CCDC73: variants seen among roughly 807,000 people sequenced by gnomAD.
CCDC73 encodes the protein coiled-coil domain containing 73, also known as coiled-coil domain-containing protein 73.
Under a neutral mutation model 116.5 loss-of-function variants are expected in CCDC73, and 95 were observed. That is an observed-to-expected ratio of 0.82 (90% CI 0.69 to 0.97). CCDC73 has a LOEUF of 0.97. Among genes scored for constraint, CCDC73 ranks in the 50% least tolerant of loss-of-function variants. CCDC73 has a pLI of 0.00. For missense variants in CCDC73, 1,066 were observed against 1,206.8 expected, an observed-to-expected ratio of 0.88 and a Z score of 1.73; for synonymous variants, 398 against 401.3, an observed-to-expected ratio of 0.99 and a Z score of 0.10.
At chr11:32,813,407 T>C in the CCDC73 span, among the ~76,000 whole-genome samples, 1 of 152,044 alleles carries the variant, frequency 6.6e-6, no homozygotes, top group South Asian at 2.1e-4. Context: ...CAGGGGTGCA[T>C]CACTACATGC....
intron 1 of CCDC73, among the ~76,000 whole-genome samples, chr11:32,764,278 C>T (rs1366165396): frequency 1.3e-5 from 2 of 152,146 alleles, no homozygotes; most frequent in Admixed American, 6.5e-5. Context: ...CAAAGATACT[C>T]CTCGAGAAGA....
chr11:32,698,275 C>T (rs201351739), intron 6 of CCDC73, among the ~76,000 whole-genome samples: 4 of 152,092 alleles, frequency 2.6e-5, no homozygotes, highest in East Asian at 1.9e-4. Context: ...CCACCCGCCT[C>T]GGCCTCCCAA....
At chr11:32,816,710 C>T in the CCDC73 span, among the ~76,000 whole-genome samples, 1 of 152,144 alleles carries the variant, frequency 6.6e-6, no homozygotes, top group South Asian at 2.1e-4. Context: ...TTATTAAAGC[C>T]TCTTTTACAT....
intron 3 of CCDC73, among the ~76,000 whole-genome samples, chr11:32,714,982 A>T (rs1197127478): frequency 6.6e-6 from 1 of 152,166 alleles, no homozygotes; most frequent in Non-Finnish European, 1.5e-5. Context: ...TGGTTGTGAC[A>T]GAGACCATAC....
At chr11:32,751,895 T>C (rs951243356) in intron 2 of CCDC73, among the ~76,000 whole-genome samples, 1 of 152,134 alleles carries the variant, frequency 6.6e-6, no homozygotes, top group African/African-American at 2.4e-5. Context: ...AATATTTTAT[T>C]AGGTCTCACA....
intron 2 of CCDC73, among the ~76,000 whole-genome samples, chr11:32,723,370 C>T (rs544972609): frequency 2.4e-4 from 37 of 152,248 alleles, no homozygotes; most frequent in African/African-American, 8.4e-4. Flanking sequence ...AACTTTTAGG[C>T]TAGCCCATGA....
At chr11:32,701,739 A>C (rs571780308) in intron 4 of CCDC73, among the ~76,000 whole-genome samples, 2 of 152,286 alleles carry the variant, frequency 1.3e-5, no homozygotes, top group East Asian at 3.9e-4. Flanking sequence ...AAACTAAAGT[A>C]CACACACCAA....
intron 2 of CCDC73, among the ~76,000 whole-genome samples, chr11:32,745,745 GTTTT>G (rs140610634): frequency 6.1e-5 from 7 of 113,910 alleles, no homozygotes; most frequent in African/African-American, 2.4e-4. Flanking sequence ...GTTTGTTTTG[GTTTT>G]TTTTTTTTTT....
intron 3 of CCDC73, among the ~76,000 whole-genome samples, chr11:32,705,127 G>T (rs1849844938): frequency 6.6e-6 from 1 of 152,204 alleles, no homozygotes; most frequent in Non-Finnish European, 1.5e-5. Context: ...CCATTCAACG[G>T]GAAACAGCAG....
chr11:32,669,520 AC>A (rs1856017318), intron 9 of CCDC73, among the ~76,000 whole-genome samples: 1 of 152,140 alleles, frequency 6.6e-6, no homozygotes, highest in Admixed American at 6.6e-5. Context: ...GACAATAATC[AC>A]CCTGTTGTGC....
chr11:32,726,249 A>G (rs1850028858), intron 2 of CCDC73, among the ~76,000 whole-genome samples: 1 of 152,238 alleles, frequency 6.6e-6, no homozygotes, highest in African/African-American at 2.4e-5. Flanking sequence ...ATGGATCTAC[A>G]AGAAGTCCAG....
At chr11:32,776,934 A>ATATATATAT in intron 1 of CCDC73, among the ~76,000 whole-genome samples, 1 of 30,178 alleles carries the variant, frequency 3.3e-5, no homozygotes, top group South Asian at 1.2e-3. Flanking sequence ...TTAAAAAAAA[A>ATATATATAT]AAATATATAT....
Position 32,654,844 on chromosome 11 carries a change from C to A in CCDC73, c.774G>T (p.Met258Ile). ...KFQELQERLNMELELNEKINE... is the reference protein window; with the variant it reads ...KFQELQERLNIELELNEKINE... Reference sequence around the variant, plus strand: ...TAAACAAATACATTTAATAAAATACCATGTTGAGTCTTTCTTGAAGTTCTT... The same window carrying A: ...TAAACAAATACATTTAATAAAATACAATGTTGAGTCTTTCTTGAAGTTCTT... The change falls in exon 10 of 18, where the codon ATG becomes ATT. Residue 258 changes from methionine (M) to isoleucine (I), a missense_variant and splice_region_variant. Coordinates refer to ENST00000335185, the MANE Select transcript of CCDC73 (RefSeq NM_001008391.4). 6.8e-7 allele frequency: 1 copy of A among 1,471,800 alleles called. No homozygotes were observed. The highest frequency in any genetic ancestry group is 9.2e-7 in the Non-Finnish European group (1 of 1,082,118). The allele number at this position is 1,471,800 out of a possible 1,614,324, so 91.2% of individuals were successfully genotyped here. A position where few individuals can be genotyped will look rare whatever the true frequency, so the allele number is the denominator to read the frequency against.
chr11:32,783,175 T>A, intron 1 of CCDC73, among the ~76,000 whole-genome samples: 1 of 149,106 alleles, frequency 6.7e-6, no homozygotes, highest in African/African-American at 2.5e-5. Flanking sequence ...AAAAAAAAAA[T>A]CATAAAAAAG....
At chr11:32,663,737 A>T (rs1347114640) in intron 9 of CCDC73, among the ~76,000 whole-genome samples, 1 of 152,212 alleles carries the variant, frequency 6.6e-6, no homozygotes, top group African/African-American at 2.4e-5. Flanking sequence ...GTGGTGAGAT[A>T]GGGCATCCCT....
At chr11:32,690,870 T>A (rs1475025751) in intron 6 of CCDC73, among the ~76,000 whole-genome samples, 2 of 152,214 alleles carry the variant, frequency 1.3e-5, no homozygotes, top group African/African-American at 4.8e-5. Context: ...GACATCGTTA[T>A]CACCCAAAGT....
At chr11:32,799,637 G>A (rs1017577144), upstream of CCDC73, among the ~76,000 whole-genome samples, 3 of 152,162 alleles carry the variant, frequency 2.0e-5, no homozygotes, top group African/African-American at 4.8e-5. Context: ...GTAGTAAAGG[G>A]AGTAAGCATA....
intron 13 of CCDC73, among the ~76,000 whole-genome samples, chr11:32,638,303 C>T (rs928578862): frequency 1.3e-5 from 2 of 152,148 alleles, no homozygotes; most frequent in African/African-American, 4.8e-5. Context: ...TTGTTTTAAA[C>T]CCTTCAATGG....
At chr11:32,829,822 T>G in the CCDC73 span, 1 of 985,152 alleles carries the variant, frequency 1.0e-6, no homozygotes, top group Non-Finnish European at 1.2e-6. Context: ...CAGCGCGGGC[T>G]CCCGGGAGAC....
Sources: gnomAD v4.1 joint callset for allele counts (sites outside exome capture counted in the v4.1 genomes callset) on GRCh38, gnomAD v4.1.1 for gene constraint, MANE v1.5 for transcripts, NCBI Gene and HGNC (gene_info 2026-07-23, HGNC 2026-07-21) for gene names.